Variants in IMMP2L observed in about 807,000 individuals in gnomAD.
IMMP2L encodes the protein inner mitochondrial membrane peptidase subunit 2, also known as mitochondrial inner membrane protease subunit 2.
IMMP2L carries 18 observed loss-of-function variants against 19.3 expected under a neutral mutation model. The ratio of observed to expected loss-of-function variants is 0.93; its 90% CI spans 0.64 to 1.38. The LOEUF (loss-of-function observed/expected upper bound fraction) is 1.38. IMMP2L is among the 40% of genes most tolerant of loss of function. The pLI, the probability that IMMP2L is intolerant of heterozygous loss-of-function variation, is 0.00. For synonymous variants in IMMP2L, 76 were observed against 73.0 expected, an observed-to-expected ratio of 1.04 and a Z score of -0.21; for missense variants, 233 against 218.2, an observed-to-expected ratio of 1.07 and a Z score of -0.43.
intron 3 of IMMP2L, among the ~76,000 whole-genome samples, chr7:111,414,976 C>T (rs1834824974): frequency 6.6e-6 from 1 of 151,722 alleles, no homozygotes; most frequent in African/African-American, 2.4e-5. Context: ...ATAGTTTTCA[C>T]TCCCAGTATG....
At chr7:111,315,010 A>G (rs191912001) in intron 3 of IMMP2L, among the ~76,000 whole-genome samples, 151 of 152,274 alleles carry the variant, frequency 9.9e-4, no homozygotes, top group African/African-American at 3.4e-3. Context: ...AATCGGGAGG[A>G]AAATATTTTA....
chr7:110,751,841 C>T (rs996499359), intron 5 of IMMP2L, among the ~76,000 whole-genome samples: 1 of 151,840 alleles, frequency 6.6e-6, no homozygotes, highest in African/African-American at 2.4e-5. Flanking sequence ...TATTTTTAAA[C>T]AAAATGAAAG....
chr7:110,843,202 A>G (rs908398306), intron 5 of IMMP2L, among the ~76,000 whole-genome samples: 3 of 152,202 alleles, frequency 2.0e-5, no homozygotes. Flanking sequence ...AATGTTTAAG[A>G]TGTTTTAATA....
intron 3 of IMMP2L, among the ~76,000 whole-genome samples, chr7:111,051,412 G>A (rs1792997492): frequency 6.6e-6 from 1 of 152,180 alleles, no homozygotes; most frequent in South Asian, 2.1e-4. Flanking sequence ...CAAAGAAACA[G>A]GAGAGGACCA....
At chr7:110,882,377 C>G (rs140545434) in intron 5 of IMMP2L, among the ~76,000 whole-genome samples, 1 of 147,804 alleles carries the variant, frequency 6.8e-6, no homozygotes, top group South Asian at 2.2e-4. Flanking sequence ...CTCTCTCTCC[C>G]TCTCTCTCTC....
intron 5 of IMMP2L, among the ~76,000 whole-genome samples, chr7:110,719,291 T>C (rs1398707120): frequency 6.6e-6 from 1 of 152,178 alleles, no homozygotes; most frequent in East Asian, 1.9e-4. Flanking sequence ...GATGAGTCAA[T>C]GCAGAAGCAA....
chr7:111,286,770 G>A (rs1820530572), intron 3 of IMMP2L, among the ~76,000 whole-genome samples: 1 of 152,072 alleles, frequency 6.6e-6, no homozygotes, highest in Non-Finnish European at 1.5e-5. Flanking sequence ...CCTAAGCAAA[G>A]GAAGGCCATG....
At chr7:111,281,132 GAGAAAGACAGAAAGACAGAAAGACAGAA>G (rs1819677617) in intron 3 of IMMP2L, among the ~76,000 whole-genome samples, 2 of 90,764 alleles carry the variant, frequency 2.2e-5, no homozygotes, top group East Asian at 3.9e-4. Flanking sequence ...GAGAGAAAGA[GAGAAAGACAGAAAGACAGAAAGACAGAA>G]AGAAAGAAAG....
At chr7:111,363,862 G>A (rs11976734) in intron 3 of IMMP2L, among the ~76,000 whole-genome samples, 12 of 152,004 alleles carry the variant, frequency 7.9e-5, no homozygotes, top group African/African-American at 4.8e-5. Context: ...TACACACCAC[G>A]TGGTTTTATG....
rs767492562 is a variant in IMMP2L at position 110,663,631 on chromosome 7, G to A, written c.499C>T (p.Arg167Cys). The A allele has an allele frequency of 1.8e-5, 29 of 1,612,434 alleles. No individual in the cohort carries two copies. Among genetic ancestry groups the A allele is most frequent in the Middle Eastern group, 1.6e-4 (1 of 6,080 alleles). The change falls in exon 6 of 6, where the codon CGC (arginine) becomes TGC (cysteine). Residue 167 changes from arginine (R) to cysteine (C), a missense_variant. Coordinates refer to ENST00000405709, the MANE Select transcript of IMMP2L (RefSeq NM_032549.4). ...QKLESVLPPERLPVQREEE is the reference protein window; with the variant it reads ...QKLESVLPPECLPVQREEE ...TCCTCTTCTCTCTGTACTGGTAAGC[G>A]CTCTGGAGGAAGAACAGATTCCAAT...
At chr7:111,397,397 A>G (rs1832986451) in intron 3 of IMMP2L, among the ~76,000 whole-genome samples, 1 of 152,140 alleles carries the variant, frequency 6.6e-6, no homozygotes, top group South Asian at 2.1e-4. Flanking sequence ...TTACTACCAT[A>G]ATAATGCAGT....
intron 5 of IMMP2L, among the ~76,000 whole-genome samples, chr7:110,729,813 G>C (rs1384030882): frequency 6.6e-6 from 1 of 152,064 alleles, no homozygotes; most frequent in Non-Finnish European, 1.5e-5. Flanking sequence ...ATGGGTGCTG[G>C]GCTTAATACC....
chr7:111,501,566 C>T (rs1330630169), intron 2 of IMMP2L, among the ~76,000 whole-genome samples: 2 of 152,044 alleles, frequency 1.3e-5, no homozygotes, highest in Non-Finnish European at 2.9e-5. Flanking sequence ...TTAAGGGCAG[C>T]CAGAGAGAAA....
intron 2 of IMMP2L, among the ~76,000 whole-genome samples, chr7:111,493,465 G>A (rs528748403): frequency 1.3e-5 from 2 of 152,202 alleles, no homozygotes; most frequent in Admixed American, 1.3e-4. Flanking sequence ...CACTTTGGGA[G>A]GCCAAGGTGG....
intron 3 of IMMP2L, among the ~76,000 whole-genome samples, chr7:111,407,910 C>G (rs1834035685): frequency 6.6e-6 from 1 of 151,880 alleles, no homozygotes; most frequent in South Asian, 2.1e-4. Context: ...TGAAAATTTG[C>G]TTAGGTTCAA....
At chr7:110,996,247 T>C (rs995925037) in intron 3 of IMMP2L, among the ~76,000 whole-genome samples, 3 of 152,042 alleles carry the variant, frequency 2.0e-5, no homozygotes, top group Non-Finnish European at 2.9e-5. Context: ...ATAGCTAAGA[T>C]ATGAAGAGTA....
At chr7:111,260,302 C>T (rs1304724073) in intron 3 of IMMP2L, among the ~76,000 whole-genome samples, 1 of 152,148 alleles carries the variant, frequency 6.6e-6, no homozygotes, top group East Asian at 1.9e-4. Context: ...GCTATGACTT[C>T]ACTAGGCAAT....
At chr7:110,974,232 A>G (rs1820459623) in intron 3 of IMMP2L, among the ~76,000 whole-genome samples, 1 of 152,088 alleles carries the variant, frequency 6.6e-6, no homozygotes, top group Admixed American at 6.6e-5. Flanking sequence ...TGAATGGCAG[A>G]AACTTGGGGA....
At chr7:110,822,428 T>A (rs894319684) in intron 5 of IMMP2L, among the ~76,000 whole-genome samples, 2 of 152,136 alleles carry the variant, frequency 1.3e-5, no homozygotes, top group African/African-American at 4.8e-5. Context: ...TACTTTAGCA[T>A]AAGTTCCATT....
Sources: allele counts gnomAD v4.1 joint callset (sites outside exome capture counted in the v4.1 genomes callset), GRCh38; gene constraint gnomAD v4.1.1; transcripts MANE v1.5; gene names NCBI Gene and HGNC (gene_info 2026-07-23, HGNC 2026-07-21).